Variants in PSMA1 observed in about 807,000 individuals in gnomAD.
PSMA1 encodes proteasome 20S subunit alpha 1.
PSMA1 carries 3 observed loss-of-function variants against 38.4 expected under a neutral mutation model. The ratio of observed to expected loss-of-function variants is 0.08; its 90% CI spans 0.04 to 0.20. The LOEUF (loss-of-function observed/expected upper bound fraction) is 0.20, where lower values mean the gene tolerates loss of function less well. Among genes scored for constraint, PSMA1 ranks in the 10% least tolerant of loss-of-function variants. The pLI is 1.00. For synonymous variants in PSMA1, 101 were observed against 107.1 expected (o/e 0.94, Z 0.35); for missense variants, 227 against 325.3 (o/e 0.70, Z 2.32).
At chr11:14,620,841 T>C (rs1030386840) in intron 1 of PSMA1, among the ~76,000 whole-genome samples, 3 of 152,170 alleles carry the variant, frequency 2.0e-5, no homozygotes, top group Non-Finnish European at 2.9e-5. Flanking sequence ...ACAGCTCTCA[T>C]TGTGAAAATT....
intron 2 of PSMA1, among the ~76,000 whole-genome samples, chr11:14,558,186 G>A (rs893670652): frequency 2.0e-5 from 3 of 151,302 alleles, no homozygotes; most frequent in Non-Finnish European, 4.4e-5. Context: ...GCCACGGTGG[G>A]GGGACTGCTT....
At chr11:14,609,194 T>C (rs558090017) in intron 2 of PSMA1, among the ~76,000 whole-genome samples, 1 of 152,348 alleles carries the variant, frequency 6.6e-6, no homozygotes, top group Non-Finnish European at 1.5e-5. Context: ...GATTGTAATG[T>C]TGATACTATA....
chr11:14,573,956 T>A (rs1852181156), intron 2 of PSMA1, among the ~76,000 whole-genome samples: 1 of 152,150 alleles, frequency 6.6e-6, no homozygotes, highest in East Asian at 1.9e-4. Flanking sequence ...CAGAAGAAAT[T>A]TCTAAGCAGC....
intron 2 of PSMA1, among the ~76,000 whole-genome samples, chr11:14,583,294 CAT>C (rs1268175179): frequency 6.6e-6 from 1 of 152,196 alleles, no homozygotes. Context: ...GTACATCACA[CAT>C]GAGGCCTAAA....
At chr11:14,585,176 T>C (rs1852331242) in intron 2 of PSMA1, among the ~76,000 whole-genome samples, 1 of 152,208 alleles carries the variant, frequency 6.6e-6, no homozygotes, top group South Asian at 2.1e-4. Context: ...CTTGTTCCTA[T>C]ACTATCCAGG....
At chr11:14,553,717 C>A (rs768653930) in intron 2 of PSMA1, among the ~76,000 whole-genome samples, 1 of 152,080 alleles carries the variant, frequency 6.6e-6, no homozygotes, top group Non-Finnish European at 1.5e-5. Flanking sequence ...TTTAGCCATT[C>A]ACCCATTGAA....
intron 1 of PSMA1, among the ~76,000 whole-genome samples, chr11:14,641,584 T>G (rs560655708): frequency 3.9e-5 from 6 of 152,322 alleles, no homozygotes; most frequent in African/African-American, 1.4e-4. Context: ...CGACTATGGG[T>G]TATTGAAAGA....
intron 2 of PSMA1, among the ~76,000 whole-genome samples, chr11:14,557,579 T>G (rs1167360556): frequency 6.6e-6 from 1 of 152,190 alleles, no homozygotes; most frequent in Non-Finnish European, 1.5e-5. Context: ...AAATTTCTGC[T>G]ATCACATTTT....
intron 2 of PSMA1, among the ~76,000 whole-genome samples, chr11:14,548,305 T>A (rs777582190): frequency 5.3e-5 from 8 of 152,212 alleles, no homozygotes; most frequent in Non-Finnish European, 8.8e-5. Flanking sequence ...CAAGCTCATA[T>A]GACTGGTAGG....
At chr11:14,520,059 G>A (rs1851501973) in intron 1 of PSMA1, 2 of 620,618 alleles carry the variant, frequency 3.2e-6, no homozygotes, top group Non-Finnish European at 5.7e-6. Flanking sequence ...GCTGACCGAG[G>A]AGGAAGTGTC....
chr11:14,569,310 C>T (rs531205737), intron 2 of PSMA1, among the ~76,000 whole-genome samples: 17 of 152,160 alleles, frequency 1.1e-4, no homozygotes, highest in African/African-American at 2.7e-4. Context: ...ACGCAGAAGA[C>T]GGGTGATTTC....
chr11:14,573,330 C>T (rs1351807761), intron 2 of PSMA1, among the ~76,000 whole-genome samples: 1 of 152,194 alleles, frequency 6.6e-6, no homozygotes, highest in African/African-American at 2.4e-5. Flanking sequence ...AAGGGGGCTT[C>T]GTCCCTGGGA....
chr11:14,638,506 C>CCTCTCTCTCTCTCT (rs374243163), intron 1 of PSMA1, among the ~76,000 whole-genome samples: 4 of 31,916 alleles, frequency 1.3e-4, no homozygotes, highest in Admixed American at 5.5e-4. Context: ...GAGAAACACA[C>CCTCTCTCTCTCTCT]CTCTCTCTCT....
intron 2 of PSMA1, among the ~76,000 whole-genome samples, chr11:14,554,478 T>C (rs536762022): frequency 6.6e-6 from 1 of 152,314 alleles, no homozygotes; most frequent in Non-Finnish European, 1.5e-5. Context: ...CCATTTTGAG[T>C]TAGTTTTTCT....
chr11:14,535,915 G>A (rs952780728), intron 2 of PSMA1, among the ~76,000 whole-genome samples: 1 of 151,964 alleles, frequency 6.6e-6, no homozygotes, highest in African/African-American at 2.4e-5. Context: ...TAAGAATCAG[G>A]GTGTATCCTG....
chr11:14,599,462 T>A (rs1201476598), intron 2 of PSMA1, among the ~76,000 whole-genome samples: 1 of 152,226 alleles, frequency 6.6e-6, no homozygotes, highest in African/African-American at 2.4e-5. Flanking sequence ...TCTCTAATCT[T>A]GTTTTCTCAC....
At chr11:14,599,063 G>A (rs903795219) in intron 2 of PSMA1, among the ~76,000 whole-genome samples, 15 of 152,020 alleles carry the variant, frequency 9.9e-5, no homozygotes, top group Non-Finnish European at 1.5e-4. Flanking sequence ...TTGAATATTG[G>A]CCCCCATTCT....
chr11:14,573,007 A>G (rs1852165173), intron 2 of PSMA1, among the ~76,000 whole-genome samples: 2 of 152,220 alleles, frequency 1.3e-5, no homozygotes, highest in African/African-American at 4.8e-5. Context: ...AGGAGCCGAA[A>G]CTGAGGCAAT....
At chr11:14,629,269 T>A (rs1270832440) in intron 1 of PSMA1, among the ~76,000 whole-genome samples, 2 of 152,112 alleles carry the variant, frequency 1.3e-5, no homozygotes, top group African/African-American at 4.8e-5. Context: ...TGGTATTGCC[T>A]AGGTTTTCTT....
Sources: gnomAD v4.1 joint callset for allele counts (sites outside exome capture counted in the v4.1 genomes callset) on GRCh38, gnomAD v4.1.1 for gene constraint, MANE v1.5 for transcripts, NCBI Gene and HGNC (gene_info 2026-07-23, HGNC 2026-07-21) for gene names.